The following CDH18 variants were observed in gnomAD, a reference collection of about 807,000 sequenced individuals.
The protein encoded by CDH18 is cadherin-18.
A neutral mutation model predicts 67.9 loss-of-function variants in CDH18; 31 were observed. That is an observed-to-expected ratio of 0.46 (90% CI 0.34 to 0.62). CDH18 has a LOEUF of 0.62. Among genes scored for constraint, CDH18 ranks in the 20% least tolerant of loss-of-function variants. The pLI is 0.01. For missense variants in CDH18, 890 were observed against 975.5 expected (o/e 0.91, Z 1.17); for synonymous variants, 362 against 347.2 (o/e 1.04, Z -0.48).
chr5:20,260,758 G>A (rs879673579), intron 1 of CDH18, among the ~76,000 whole-genome samples: 15 of 151,958 alleles, frequency 9.9e-5, no homozygotes, highest in Admixed American at 8.5e-4. Flanking sequence ...TGCTGACTTG[G>A]CAGAAGTAAG....
chr5:19,571,694 G>T lies in CDH18; in HGVS notation c.1138C>A (p.Pro380Thr). The change falls in exon 8 of 13, where the codon CCA becomes ACA. Residue 380 changes from proline to threonine, a missense_variant. Physicochemically the swap from Pro to Thr is conservative, Grantham distance 38. This residue lies in a region of CDH18 where 656 missense variants were observed against 668.1 expected (regional missense o/e 0.98). Coordinates refer to ENST00000382275, the MANE Select transcript of CDH18 (RefSeq NM_004934.5). Reference protein sequence around the residue: ...LKIIVGDVDEPPLFSMPSYLM... With the variant: ...LKIIVGDVDETPLFSMPSYLM... ...TAGGAAGGCATGGAAAATAGTGGTG[G>T]TTCATCTACATCCCCAACAATGATC... 6.2e-7 allele frequency: 1 copy of T among 1,613,874 alleles called. No individual in the cohort carries two copies. The highest frequency in any genetic ancestry group is 8.5e-7 in the Non-Finnish European group (1 of 1,179,886).
intron 1 of CDH18, among the ~76,000 whole-genome samples, chr5:20,413,555 A>T (rs1356954187): frequency 6.6e-6 from 1 of 152,192 alleles, no homozygotes; most frequent in Non-Finnish European, 1.5e-5. Context: ...CATTTCTCTG[A>T]CGACCAGTGA....
At chr5:20,182,081 T>C (rs1205003688) in intron 2 of CDH18, among the ~76,000 whole-genome samples, 1 of 152,140 alleles carries the variant, frequency 6.6e-6, no homozygotes, top group Non-Finnish European at 1.5e-5. Flanking sequence ...TATTTAAATC[T>C]GGGAAGAAAA....
intron 2 of CDH18, among the ~76,000 whole-genome samples, chr5:20,001,381 G>GTTATA (rs1415728548): frequency 1.3e-5 from 2 of 151,906 alleles, no homozygotes; most frequent in African/African-American, 4.8e-5. Flanking sequence ...AAGAGTAGGT[G>GTTATA]TTATATAATA....
At chr5:19,867,730 G>A (rs749713839) in intron 2 of CDH18, among the ~76,000 whole-genome samples, 4 of 124,604 alleles carry the variant, frequency 3.2e-5, no homozygotes, top group Non-Finnish European at 5.2e-5. Context: ...CAAATTTACT[G>A]ATTGCAAAAA....
chr5:19,955,496 G>GCAT (rs147374105), intron 2 of CDH18, among the ~76,000 whole-genome samples: 1,816 of 152,116 alleles, frequency 0.012, 53 homozygotes, highest in African/African-American at 0.042. Flanking sequence ...ATTTATTGTA[G>GCAT]CATGTACTTG....
At chr5:20,354,938 C>T (rs977321289) in intron 1 of CDH18, among the ~76,000 whole-genome samples, 2 of 152,122 alleles carry the variant, frequency 1.3e-5, no homozygotes, top group Admixed American at 6.5e-5. Flanking sequence ...CCAATAATTG[C>T]TCCAAGACAA....
chr5:20,305,405 G>C (rs983752822), intron 1 of CDH18: 71 of 1,542,484 alleles, frequency 4.6e-5, no homozygotes, highest in Admixed American at 1.5e-4. Flanking sequence ...TCATCTTCTT[G>C]ATCCCAATTC....
At chr5:20,274,436 G>A (rs1172041386) in intron 1 of CDH18, among the ~76,000 whole-genome samples, 2 of 152,070 alleles carry the variant, frequency 1.3e-5, no homozygotes, top group Non-Finnish European at 1.5e-5. Flanking sequence ...TCAATAGAAT[G>A]CATAGTGAGA....
At chr5:19,642,026 T>A (rs62351291) in intron 5 of CDH18, among the ~76,000 whole-genome samples, 9,729 of 151,910 alleles carry the variant, frequency 0.064, 336 homozygotes, top group Non-Finnish European at 0.074. Context: ...ATCAAAATAA[T>A]TTGTGTTGCT....
intron 8 of CDH18, among the ~76,000 whole-genome samples, chr5:19,544,320 A>C (rs1735932211): frequency 6.6e-6 from 1 of 152,104 alleles, no homozygotes; most frequent in Admixed American, 6.6e-5. Context: ...GGAAGCCTAT[A>C]ATATGTTTAA....
intron 1 of CDH18, among the ~76,000 whole-genome samples, chr5:20,345,935 G>A (rs1261193623): frequency 6.6e-6 from 1 of 152,118 alleles, no homozygotes. Context: ...ATGTAGTAAA[G>A]AATTTCACTT....
rs566970785 is a variant in CDH18, at chr5:20,118,417, T to A, written c.-517-126403A>T. 2.0e-5 allele frequency among the ~76,000 whole-genome samples: 3 copies of A among 152,244 alleles called. No individual in the cohort carries two copies. The East Asian group carries it at 5.8e-4, about 29-fold the overall frequency. On this transcript the variant is annotated intron_variant, in intron 2 of 14. Coordinates refer to the CDH18 transcript ENST00000507958. Reference sequence around the variant, plus strand: ...GGCAGATTATTTTTAAGCACTCCAATCTCACTTTTTAAAGCAGATGTTAGT... The same window carrying A: ...GGCAGATTATTTTTAAGCACTCCAAACTCACTTTTTAAAGCAGATGTTAGT...
In CDH18 at chr5:19,543,927, C is replaced by T. The variant is rs1305168766; in HGVS notation, c.1332G>A (p.Lys444=). 8.8e-6 allele frequency: 14 copies of T among 1,595,838 alleles called. No individual in the cohort carries two copies. Among genetic ancestry groups the T allele is most frequent in the Non-Finnish European group, 1.1e-5 (13 of 1,167,326 alleles). The change falls in exon 9 of 13, where the codon AAG becomes AAA. Residue 444 remains lysine, a synonymous_variant. Coordinates refer to ENST00000382275, the MANE Select transcript of CDH18 (RefSeq NM_004934.5). ...DANTGTIRTT[K]VLDREETPWY... ...ATGGAGTTTCTTCTCTGTCGAGAAC[C>T]TTTGTAGTCCTAATGGTCCCAGTAT...
At chr5:20,465,026 T>C (rs1184194217) in intron 1 of CDH18, among the ~76,000 whole-genome samples, 2 of 152,092 alleles carry the variant, frequency 1.3e-5, no homozygotes, top group Non-Finnish European at 2.9e-5. Flanking sequence ...TGAGAGCAGC[T>C]TCAGTAAAGT....
chr5:20,163,288 C>T (rs185003114), intron 2 of CDH18, among the ~76,000 whole-genome samples: 1 of 152,052 alleles, frequency 6.6e-6, no homozygotes, highest in African/African-American at 2.4e-5. Flanking sequence ...AAATTAATTA[C>T]TTAGTATTAT....
chr5:19,622,207 G>T (rs924557125), intron 5 of CDH18, among the ~76,000 whole-genome samples: 2 of 152,114 alleles, frequency 1.3e-5, no homozygotes, highest in Non-Finnish European at 2.9e-5. Context: ...GCATTGTAGG[G>T]AATTTCCTTC....
Position 19,514,982 on chromosome 5 carries a change from C to A in CDH18, c.1512+5675G>T, listed in dbSNP as rs1745739562. On this transcript the variant is annotated intron_variant, in intron 10 of 12. Coordinates refer to ENST00000382275, the MANE Select transcript of CDH18 (RefSeq NM_004934.5). ...TTCTAGGGTTTTTATGGTTTTAGGT[C>A]TAACATTTAAGTCTTTAATCCATCT... Among the ~76,000 whole-genome samples, 3 of 152,132 alleles carry A rather than the reference C, an allele frequency of 2.0e-5. No homozygotes were observed. The South Asian group carries it at 6.2e-4, about 32-fold the overall frequency.
intron 2 of CDH18, among the ~76,000 whole-genome samples, chr5:19,976,279 A>C (rs1798490366): frequency 6.6e-6 from 1 of 152,226 alleles, no homozygotes; most frequent in South Asian, 2.1e-4. Flanking sequence ...AAAGGTCTTT[A>C]GATATCACAG....
Sources: gnomAD v4.1 joint callset for allele counts (sites outside exome capture counted in the v4.1 genomes callset) on GRCh38, gnomAD v4.1.1 for gene constraint, gnomAD v4.1.1 regional missense constraint, MANE v1.5 for transcripts, NCBI Gene and HGNC (gene_info 2026-07-23, HGNC 2026-07-21) for gene names.